EPB41L5: variants seen among roughly 807,000 people sequenced by gnomAD.
EPB41L5 encodes the protein erythrocyte membrane protein band 4.1 like 5.
Under a neutral mutation model 106.6 loss-of-function variants are expected in EPB41L5, and 55 were observed. That is an observed-to-expected ratio of 0.52 (90% CI 0.42 to 0.65). The LOEUF is 0.65. EPB41L5 is among the 30% of genes least tolerant of loss of function. The probability of loss-of-function intolerance (pLI) is 0.00; values close to 1 mark genes in which losing one functional copy is unlikely to be tolerated. For missense variants in EPB41L5, 871 were observed against 882.1 expected, an observed-to-expected ratio of 0.99 and a Z score of 0.16; for synonymous variants, 297 against 306.7, an observed-to-expected ratio of 0.97 and a Z score of 0.33.
At chr2:120,125,650 G>A (rs1685426937) in intron 16 of EPB41L5, among the ~76,000 whole-genome samples, 1 of 152,154 alleles carries the variant, frequency 6.6e-6, no homozygotes, top group African/African-American at 2.4e-5. Context: ...GTAAGGAGAA[G>A]AGTCACAGTT....
chr2:120,039,234 G>C (rs1184986884), intron 2 of EPB41L5, among the ~76,000 whole-genome samples: 4 of 152,076 alleles, frequency 2.6e-5, no homozygotes, highest in African/African-American at 9.7e-5. Flanking sequence ...CAAATTCTTA[G>C]AGACAGAAAG....
At chr2:120,039,575 C>G (rs1679259594) in intron 2 of EPB41L5, among the ~76,000 whole-genome samples, 1 of 152,042 alleles carries the variant, frequency 6.6e-6, no homozygotes, top group African/African-American at 2.4e-5. Context: ...CCTGTAATCC[C>G]AGCACTTTGG....
intron 2 of EPB41L5, among the ~76,000 whole-genome samples, chr2:120,021,028 A>AT (rs1247430558): frequency 6.6e-6 from 1 of 152,162 alleles, no homozygotes; most frequent in African/African-American, 2.4e-5. Context: ...GGAGATATAG[A>AT]TTGGACTTTT....
At chr2:120,130,094 C>T (rs984502998) in intron 17 of EPB41L5, among the ~76,000 whole-genome samples, 2 of 142,776 alleles carry the variant, frequency 1.4e-5, no homozygotes, top group Non-Finnish European at 3.0e-5. Context: ...TGCAGTGAGC[C>T]GAGATGGCAC....
At chr2:120,140,402 C>T (rs774595174) in intron 18 of EPB41L5, among the ~76,000 whole-genome samples, 10 of 151,968 alleles carry the variant, frequency 6.6e-5, no homozygotes, top group East Asian at 1.9e-4. Flanking sequence ...CTACATATCT[C>T]GTGTACCCCA....
chr2:120,013,316 G>A (rs1677261928), intron 1 of EPB41L5, 106 bp downstream of exon 1: 1 of 152,242 alleles, frequency 6.6e-6, no homozygotes, highest in Non-Finnish European at 1.5e-5. Flanking sequence ...TCCCCGGGGA[G>A]GCGGGCGGGG....
chr2:120,063,760 G>T (rs1439809319), intron 3 of EPB41L5, among the ~76,000 whole-genome samples: 2 of 152,124 alleles, frequency 1.3e-5, no homozygotes, highest in Non-Finnish European at 2.9e-5. Context: ...AGCCTACATG[G>T]CGAAACCCTG....
chr2:120,093,089 C>G (rs1159415958), intron 13 of EPB41L5, among the ~76,000 whole-genome samples, 160 bp from the exon 14 acceptor site: 1 of 152,104 alleles, frequency 6.6e-6, no homozygotes, highest in African/African-American at 2.4e-5. Context: ...AGACCCACCC[C>G]TATCTCTACA....
At chr2:120,049,597 G>A (rs1680074677) in intron 3 of EPB41L5, among the ~76,000 whole-genome samples, 1 of 152,050 alleles carries the variant, frequency 6.6e-6, no homozygotes, top group Admixed American at 6.6e-5. Flanking sequence ...ACAGTACACT[G>A]GGGGGTCTTG....
chr2:120,104,559 C>T, intron 16 of EPB41L5: 1 of 1,009,742 alleles, frequency 9.9e-7, no homozygotes, highest in Non-Finnish European at 1.2e-6. Context: ...TGTTTGTGAA[C>T]AAGGTGCCCA....
At chr2:120,174,471 A>C (rs1463282999) in intron 24 of EPB41L5, among the ~76,000 whole-genome samples, 1 of 151,360 alleles carries the variant, frequency 6.6e-6, no homozygotes, top group African/African-American at 2.4e-5. Context: ...TCTCACAGAA[A>C]AAAAAAAAGG....
intron 16 of EPB41L5, among the ~76,000 whole-genome samples, chr2:120,118,966 T>C (rs957252018): frequency 3.3e-5 from 5 of 152,216 alleles, no homozygotes; most frequent in Non-Finnish European, 7.3e-5. Flanking sequence ...GTGTAAAACA[T>C]TCCTTTTTCT....
intron 3 of EPB41L5, among the ~76,000 whole-genome samples, chr2:120,042,351 C>T (rs904147919): frequency 1.2e-4 from 18 of 152,272 alleles, no homozygotes; most frequent in South Asian, 1.0e-3. Context: ...CAGGATGGGG[C>T]TCCAGAATCT....
intron 10 of EPB41L5, among the ~76,000 whole-genome samples, chr2:120,083,590 G>T (rs893458294): frequency 3.0e-4 from 45 of 152,204 alleles, no homozygotes; most frequent in African/African-American, 1.1e-3. Context: ...CTGATTTGGG[G>T]TGGAGAGTTC....
chr2:120,093,881 A>G (rs1260499430), intron 14 of EPB41L5, among the ~76,000 whole-genome samples: 1 of 152,170 alleles, frequency 6.6e-6, no homozygotes, highest in African/African-American at 2.4e-5. Context: ...ATTTAAATGT[A>G]TGGTAGAATT....
Position 120,160,936 on chromosome 2 carries a change from A to G in EPB41L5, c.1849A>G (p.Met617Val), listed in dbSNP as rs553471925. ...CCCCAAAGAGTCTCTTGAGACTCTGATGCTTATCACACCTGCCGACAGTGG... is the reference window on the plus strand; with the variant it reads ...CCCCAAAGAGTCTCTTGAGACTCTGGTGCTTATCACACCTGCCGACAGTGG... Reference protein sequence around the residue: ...PLPKESLETLMLITPADSGSV... With the variant: ...PLPKESLETLVLITPADSGSV... Residue 617 changes from methionine (M) to valine (V), a missense_variant, in exon 21 of 25, where the codon ATG becomes GTG. By Grantham distance (21) the Met-to-Val change is conservative. Coordinates refer to ENST00000263713, the MANE Select transcript of EPB41L5 (RefSeq NM_020909.4). 5.6e-6 allele frequency: 9 copies of G among 1,613,956 alleles called. No individual in the cohort carries two copies. Among genetic ancestry groups the G allele is most frequent in the Non-Finnish European group, 7.6e-6 (9 of 1,179,928 alleles).
chr2:120,031,306 A>G (rs1353313974), intron 2 of EPB41L5, among the ~76,000 whole-genome samples: 1 of 152,206 alleles, frequency 6.6e-6, no homozygotes, highest in African/African-American at 2.4e-5. Flanking sequence ...GTCTTGATAA[A>G]TTGGTTCTGT....
chr2:120,080,381 GT>G (rs1682563668), intron 10 of EPB41L5, among the ~76,000 whole-genome samples: 1 of 152,042 alleles, frequency 6.6e-6, no homozygotes, highest in South Asian at 2.1e-4. Context: ...CCTTGCAATA[GT>G]TTGCTGAGAA....
intron 2 of EPB41L5, among the ~76,000 whole-genome samples, chr2:120,026,793 C>G (rs2105152433): frequency 6.6e-6 from 1 of 152,250 alleles, no homozygotes; most frequent in East Asian, 1.9e-4. Flanking sequence ...AAATAAGTTA[C>G]AAGACTGTCA....
Sources: allele counts gnomAD v4.1 joint callset (sites outside exome capture counted in the v4.1 genomes callset), GRCh38; gene constraint gnomAD v4.1.1; transcripts MANE v1.5; gene names NCBI Gene and HGNC (gene_info 2026-07-23, HGNC 2026-07-21).